Variants in NFATC1 observed in about 807,000 individuals in gnomAD.
The protein encoded by NFATC1 is nuclear factor of activated T-cells, cytoplasmic 1.
In NFATC1, 22 loss-of-function variants were observed where a neutral mutation model predicts 76.0. The observed-to-expected ratio is 0.29, with a 90% CI of 0.21 to 0.41. The LOEUF (loss-of-function observed/expected upper bound fraction) is 0.41. Among genes scored for constraint, NFATC1 ranks in the 10% least tolerant of loss-of-function variants. The pLI, the probability that NFATC1 is intolerant of heterozygous loss-of-function variation, is 1.00. For synonymous variants in NFATC1, 704 were observed against 613.1 expected, an observed-to-expected ratio of 1.15 and a Z score of -2.19; for missense variants, 1,357 against 1,337.7, an observed-to-expected ratio of 1.01 and a Z score of -0.23.
chr18:79,506,187 G>A (rs1201614371), intron 9 of NFATC1, among the ~76,000 whole-genome samples: 5 of 152,170 alleles, frequency 3.3e-5, no homozygotes, highest in Non-Finnish European at 5.9e-5. Context: ...AGAGCGGTTC[G>A]CCGTGGGGTC....
intron 9 of NFATC1, among the ~76,000 whole-genome samples, chr18:79,512,810 C>T (rs1436528487): frequency 6.6e-6 from 1 of 152,238 alleles, no homozygotes; most frequent in Non-Finnish European, 1.5e-5. Flanking sequence ...CAGGGAGGTC[C>T]TGAGGGCGCC....
chr18:79,420,992 C>CT lies in NFATC1; in HGVS notation c.1226+9494dup, dbSNP rs553314934. The CT allele has an allele frequency of 6.0e-4, 92 of 152,550 alleles. 1 individual carries two copies. The highest frequency in any genetic ancestry group is 8.5e-4 in the Admixed American group (13 of 15,306). The allele number at this position is 152,550 out of a possible 1,614,324, so 9.4% of individuals were successfully genotyped here. ...TCCAGCAGGGCCACCTAGATGTTTG[C>CT]TTTGCCCCGCGTGGAGTCATATTCC... On this transcript the variant is annotated intron_variant, in intron 2 of 9. Transcript: ENST00000427363.
intron 9 of NFATC1, among the ~76,000 whole-genome samples, chr18:79,494,759 C>T (rs112667093): frequency 3.4e-5 from 2 of 58,994 alleles, no homozygotes; most frequent in Non-Finnish European, 6.5e-5. Flanking sequence ...GACCTGGTAC[C>T]GCCGGGGGAA....
At chr18:79,488,794 T>C (rs538443778) in intron 9 of NFATC1, among the ~76,000 whole-genome samples, 2 of 152,358 alleles carry the variant, frequency 1.3e-5, no homozygotes, top group East Asian at 1.9e-4. Flanking sequence ...AGAAATTCTC[T>C]TTCCACCTGC....
intron 2 of NFATC1, among the ~76,000 whole-genome samples, chr18:79,425,381 G>A (rs1016675576): frequency 6.6e-6 from 1 of 152,188 alleles, no homozygotes; most frequent in Non-Finnish European, 1.5e-5. Context: ...GGAGGGCTGC[G>A]GGAGGACCCT....
At chr18:79,458,935 A>G (rs949388970) in intron 6 of NFATC1, among the ~76,000 whole-genome samples, 3 of 152,252 alleles carry the variant, frequency 2.0e-5, no homozygotes, top group African/African-American at 7.2e-5. Context: ...CTTTTGAAAG[A>G]CAATTACTTT....
At chr18:79,438,547 G>A (rs565060055) in intron 3 of NFATC1, among the ~76,000 whole-genome samples, 10 of 152,350 alleles carry the variant, frequency 6.6e-5, no homozygotes, top group African/African-American at 1.4e-4. Context: ...GGCCGGGCTC[G>A]TGTGAATAAT....
intron 8 of NFATC1, among the ~76,000 whole-genome samples, chr18:79,472,425 G>A (rs73494299): frequency 0.048 from 7,286 of 152,264 alleles, 546 homozygotes; most frequent in African/African-American, 0.16. Context: ...TGCTCAGCCC[G>A]GCAGCCTCTC....
chr18:79,461,382 G>T lies in NFATC1; in HGVS notation c.1959+16G>T. The T allele has an allele frequency of 6.9e-7, 1 of 1,453,364 alleles. No homozygotes were observed. The highest frequency in any genetic ancestry group is 9.0e-7 in the Non-Finnish European group (1 of 1,113,306). 90.0% of individuals were successfully genotyped at this position (1,453,364 alleles called of 1,614,324 possible). ...GTGCAAGCCGGTGAGTGCCTTTGGCGCAGCTGGAGCTACTGTGGGTCCCCA... is the reference window on the plus strand; with the variant it reads ...GTGCAAGCCGGTGAGTGCCTTTGGCTCAGCTGGAGCTACTGTGGGTCCCCA... On this transcript the variant is annotated intron_variant, in intron 7 of 9. Transcript: ENST00000427363.
rs1555911977 is a variant in NFATC1 at position 79,464,702 on chromosome 18, A to AT, written c.1960-2745dup. On this transcript the variant is annotated intron_variant, in intron 7 of 9. Coordinates refer to ENST00000427363, the MANE Select transcript of NFATC1 (RefSeq NM_001278669.2). ...TATGTGTATATATATATATTTATTTATTTATTTATTTTTTTTTTTTTGAGA... is the reference window on the plus strand; with the variant it reads ...TATGTGTATATATATATATTTATTTATTTTATTTATTTTTTTTTTTTTGAGA... Among the ~76,000 whole-genome samples, 317 of 69,276 alleles carry AT rather than the reference A, an allele frequency of 4.6e-3. 25 individuals carry two copies. Among genetic ancestry groups the AT allele is most frequent in the East Asian group, 0.016 (36 of 2,188 alleles). 45.4% of individuals were successfully genotyped at this position (69,276 alleles called of 152,430 possible). A position where few individuals can be genotyped will look rare whatever the true frequency, so the allele number is the denominator to read the frequency against.
intron 6 of NFATC1, among the ~76,000 whole-genome samples, chr18:79,454,960 C>T (rs909147590): frequency 6.6e-6 from 1 of 152,092 alleles, no homozygotes; most frequent in Non-Finnish European, 1.5e-5. Flanking sequence ...TCTCTGTACA[C>T]GCGTGAACGT....
intron 2 of NFATC1, among the ~76,000 whole-genome samples, chr18:79,427,972 G>C (rs1568949481): frequency 6.8e-6 from 1 of 146,076 alleles, no homozygotes; most frequent in Admixed American, 6.8e-5. Flanking sequence ...GGGTGGCGGG[G>C]GGGTGCTGGA....
intron 1 of NFATC1, 58 bp downstream of exon 1, chr18:79,396,409 G>A: frequency 9.2e-7 from 1 of 1,087,786 alleles, no homozygotes; most frequent in Non-Finnish European, 1.1e-6. Flanking sequence ...CCCGGGCCGC[G>A]CCCCCCGACC....
At chr18:79,462,182 G>T (rs149593239) in intron 7 of NFATC1, among the ~76,000 whole-genome samples, 1 of 152,138 alleles carries the variant, frequency 6.6e-6, no homozygotes, top group Non-Finnish European at 1.5e-5. Flanking sequence ...CGGTTGCTGC[G>T]TGCATCTCTC....
intron 2 of NFATC1, among the ~76,000 whole-genome samples, chr18:79,420,160 T>C (rs12232726): frequency 0.23 from 34,760 of 149,720 alleles, 4,520 homozygotes; most frequent in African/African-American, 0.36. Flanking sequence ...CAGGCGAGGT[T>C]GCTGCAGAGG....
chr18:79,501,252 A>T (rs1272486371), intron 9 of NFATC1, among the ~76,000 whole-genome samples: 10 of 152,204 alleles, frequency 6.6e-5, no homozygotes, highest in Admixed American at 6.5e-4. Context: ...TAAATGCAAG[A>T]AAAAAAGCAT....
chr18:79,494,277 A>C (rs867675702), intron 9 of NFATC1, among the ~76,000 whole-genome samples: 4 of 105,544 alleles, frequency 3.8e-5, no homozygotes, highest in Non-Finnish European at 7.9e-5. Flanking sequence ...TGAACCTGGT[A>C]CCGCCGGGGG....
At chr18:79,522,813 G>C (rs1029295392) in intron 9 of NFATC1, among the ~76,000 whole-genome samples, 1 of 152,172 alleles carries the variant, frequency 6.6e-6, no homozygotes, top group Non-Finnish European at 1.5e-5. Flanking sequence ...CGTCCCCCAG[G>C]CACCAGCCAG....
Position 79,467,450 on chromosome 18 carries a change from A to G in NFATC1, c.1960A>G (p.Asn654Asp). 6.3e-7 allele frequency: 1 copy of G among 1,593,746 alleles called. No individual in the cohort carries two copies. Among genetic ancestry groups the G allele is most frequent in the Non-Finnish European group, 8.6e-7 (1 of 1,166,758 alleles). The change falls in exon 8 of 10, where the codon AAT (asparagine) becomes GAT (aspartate). Residue 654 changes from asparagine to aspartate, a missense_variant and splice_region_variant. Asn to Asp is a conservative substitution (Grantham distance 23). Transcript: ENST00000427363. ...AKTDRDLCKP[N>D]SLVVEIPPFR... ...CCTCCTGTGTGCCCTTCTCCTGTAG[A>G]ATTCTCTGGTGGTTGAGATCCCGCC...
Sources: allele counts gnomAD v4.1 joint callset (sites outside exome capture counted in the v4.1 genomes callset), GRCh38; gene constraint gnomAD v4.1.1; transcripts MANE v1.5; gene names NCBI Gene and HGNC (gene_info 2026-07-23, HGNC 2026-07-21).